Variants in ELK4 observed in about 807,000 individuals in gnomAD.
ELK4 encodes ETS domain-containing protein Elk-4.
A neutral mutation model predicts 29.6 loss-of-function variants in ELK4; 16 were observed. The observed-to-expected ratio is 0.54, with a 90% CI of 0.37 to 0.82. The LOEUF (loss-of-function observed/expected upper bound fraction) is 0.82. Among genes scored for constraint, ELK4 ranks in the 40% least tolerant of loss-of-function variants. The pLI, the probability that ELK4 is intolerant of heterozygous loss-of-function variation, is 0.00. For synonymous variants in ELK4, 213 were observed against 191.1 expected (o/e 1.11, Z -0.95); for missense variants, 465 against 507.1 (o/e 0.92, Z 0.80).
chr1:205,616,417 TG>T lies in ELK4; in HGVS notation c.*128del. 2.5e-6 allele frequency: 2 copies of T among 799,642 alleles called. No individual in the cohort carries two copies. Among genetic ancestry groups the T allele is most frequent in the Admixed American group, 2.4e-5 (1 of 41,510 alleles). The allele number at this position is 799,642 out of a possible 1,614,324, so 49.5% of individuals were successfully genotyped here. A position where few individuals can be genotyped will look rare whatever the true frequency, so the allele number is the denominator to read the frequency against. On this transcript the variant is annotated 3_prime_UTR_variant, in exon 5 of 5. Transcript: ENST00000357992. ...GAGAATCCTAAAAAGATGTTTTCAA[TG>T]GGGAATGGCAAAAATCACAATAGTC...
chr1:205,628,205 T>C (rs190277125), intron 1 of ELK4, among the ~76,000 whole-genome samples: 6 of 152,312 alleles, frequency 3.9e-5, no homozygotes, highest in Admixed American at 1.3e-4. Flanking sequence ...CCATTAAGTA[T>C]GGTGGAAGCA....
At chr1:205,619,917 G>C (rs1305977582) in intron 3 of ELK4, 49 bp downstream of exon 3, 2 of 1,614,102 alleles carry the variant, frequency 1.2e-6, no homozygotes, top group Non-Finnish European at 1.7e-6. Flanking sequence ...TGCTTAAAAG[G>C]GCAAATAAAT....
intron 1 of ELK4, among the ~76,000 whole-genome samples, chr1:205,625,200 A>C (rs1005712210): frequency 2.2e-4 from 33 of 152,196 alleles, no homozygotes; most frequent in Non-Finnish European, 3.7e-4. Context: ...AATGCCATCA[A>C]GTGAGAAGAC....
chr1:205,629,170 C>CAAAAAAAAAAAAAA (rs61374496), intron 1 of ELK4, among the ~76,000 whole-genome samples: 31 of 92,274 alleles, frequency 3.4e-4, no homozygotes, highest in African/African-American at 1.1e-3. Context: ...GACTACGTCT[C>CAAAAAAAAAAAAAA]AAAAAAAAAA....
chr1:205,610,780 C>T lies in ELK4; in HGVS notation c.*5766G>A, dbSNP rs1360883627. 9 of 231,664 alleles carry T rather than the reference C, an allele frequency of 3.9e-5. No individual in the cohort carries two copies. The highest frequency in any genetic ancestry group is 7.7e-5 in the Non-Finnish European group (9 of 117,194). 14.4% of individuals were successfully genotyped at this position (231,664 alleles called of 1,614,324 possible). A position where few individuals can be genotyped will look rare whatever the true frequency, so the allele number is the denominator to read the frequency against. On this transcript the variant is annotated 3_prime_UTR_variant, in exon 5 of 5. Transcript: ENST00000357992. ...ATGAAAACAGATTTACACGCGCACA[C>T]ACACACACACACACATTCAGTCAAT...
chr1:205,611,622 A>G lies in ELK4; in HGVS notation c.*4924T>C, dbSNP rs1224198431. 3 of 199,580 alleles carry G rather than the reference A, an allele frequency of 1.5e-5. No homozygotes were observed. The East Asian group carries it at 2.3e-4, about 16-fold the overall frequency. 12.4% of individuals were successfully genotyped at this position (199,580 alleles called of 1,614,324 possible). On this transcript the variant is annotated 3_prime_UTR_variant, in exon 5 of 5. Coordinates refer to ENST00000357992, the MANE Select transcript of ELK4 (RefSeq NM_001973.4). ...ACTTCACTTACACTACTATGGACTG[A>G]ACAATTAACTTCTCAATACTATTTT...
intron 2 of ELK4, among the ~76,000 whole-genome samples, chr1:205,622,543 C>T (rs1670371383): frequency 6.6e-6 from 1 of 152,048 alleles, no homozygotes; most frequent in African/African-American, 2.4e-5. Flanking sequence ...CAGGTGTACA[C>T]CACCGCGCCA....
rs370326552 is a variant in ELK4, at chr1:205,620,212, G to A, written c.834C>T (p.Ile278=). The A allele has an allele frequency of 1.4e-5, 22 of 1,614,208 alleles. No homozygotes were observed. The highest frequency in any genetic ancestry group is 8.0e-5 in the African/African-American group (6 of 75,038). Residue 278 remains isoleucine, a synonymous_variant, in exon 3 of 5, where the codon ATC becomes ATT. Transcript: ENST00000357992. The part of the protein sequence containing the change: ...PSPPLSSHPD[I]DTDIDSVASQ... ...AAGCCACTGAATCAATGTCTGTGTC[G>A]ATGTCTGGGTGAGAACTCAGTGGTG...
chr1:205,619,164 T>C (rs1571497774), intron 3 of ELK4, 91 bp from the exon 4 acceptor site: 1 of 1,214,576 alleles, frequency 8.2e-7, no homozygotes, highest in East Asian at 2.8e-5. Flanking sequence ...ACCTAAATAT[T>C]GCCCTATCCT....
Position 205,614,805 on chromosome 1 carries a change from C to T in ELK4, c.*1741G>A, listed in dbSNP as rs1029973985. 4.8e-5 allele frequency: 11 copies of T among 227,064 alleles called. No individual in the cohort carries two copies. The highest frequency in any genetic ancestry group is 6.7e-5 in the African/African-American group (3 of 44,986). The allele number at this position is 227,064 out of a possible 1,614,324, so 14.1% of individuals were successfully genotyped here. On this transcript the variant is annotated 3_prime_UTR_variant, in exon 5 of 5. Coordinates refer to ENST00000357992, the MANE Select transcript of ELK4 (RefSeq NM_001973.4). ...TCTTCATTTAGTTCATGTGATTCTA[C>T]AGGATTAGAAGACGAGTTTAACCGG...
chr1:205,616,610 G>C lies in ELK4; in HGVS notation c.1232C>G (p.Thr411Ser), dbSNP rs192312174. 1.9e-5 allele frequency: 30 copies of C among 1,614,046 alleles called. No homozygotes were observed. The highest frequency in any genetic ancestry group is 2.3e-5 in the Non-Finnish European group (27 of 1,180,028). Residue 411 changes from threonine to serine, a missense_variant, in exon 5 of 5, where the codon ACT (threonine) becomes AGT (serine). Thr to Ser is a moderately conservative substitution (Grantham distance 58, BLOSUM62 1). Around this residue, in one of 2 missense-constraint regions of ELK4, gnomAD observed 80 missense variants for 119.6 expected, o/e 0.67. Transcript: ENST00000357992. Reference sequence around the variant, plus strand: ...GGAAGGTCCATCCAGCCCAGACAGAGTGAATGGCCCATGACTGTTCAGTAC... The same window carrying C: ...GGAAGGTCCATCCAGCCCAGACAGACTGAATGGCCCATGACTGTTCAGTAC... Reference protein sequence around the residue: ...PSVLNSHGPFTLSGLDGPSTP... With the variant: ...PSVLNSHGPFSLSGLDGPSTP...
intron 2 of ELK4, among the ~76,000 whole-genome samples, chr1:205,621,200 A>T (rs79215853): frequency 3.4e-5 from 4 of 117,778 alleles, no homozygotes; most frequent in South Asian, 3.4e-4. Flanking sequence ...TCTTAAAAAA[A>T]AAAAAAAAAA....
chr1:205,609,750 G>A lies in ELK4; in HGVS notation c.*6796C>T. ...AATTGGATACTTTATAAATTTAAGT[G>A]TAATCTATCAATTGCAAATTATTTT... On this transcript the variant is annotated 3_prime_UTR_variant, in exon 5 of 5. Transcript: ENST00000357992. 4.8e-6 allele frequency: 1 copy of A among 208,944 alleles called. No homozygotes were observed. The highest frequency in any genetic ancestry group is 9.7e-6 in the Non-Finnish European group (1 of 102,722). 12.9% of individuals were successfully genotyped at this position (208,944 alleles called of 1,614,324 possible). A position where few individuals can be genotyped will look rare whatever the true frequency, so the allele number is the denominator to read the frequency against.
At chr1:205,631,420 C>G (rs1165383281) in intron 1 of ELK4, among the ~76,000 whole-genome samples, 3 of 117,500 alleles carry the variant, frequency 2.6e-5, no homozygotes, top group Non-Finnish European at 5.5e-5. Flanking sequence ...GACCAAGAGG[C>G]GACGAGAGCT....
At chr1:205,628,295 G>A (rs944487030) in intron 1 of ELK4, among the ~76,000 whole-genome samples, 13 of 152,140 alleles carry the variant, frequency 8.5e-5, no homozygotes, top group Admixed American at 7.9e-4. Context: ...GCAAGTTACC[G>A]TTCTACTACA....
chr1:205,619,572 T>C (rs1467449611), intron 3 of ELK4: 1 of 1,189,012 alleles, frequency 8.4e-7, no homozygotes, highest in African/African-American at 1.6e-5. Context: ...AACTTGTTAC[T>C]CAACATCACA....
intron 2 of ELK4, 66 bp from the exon 3 acceptor site, chr1:205,620,904 A>G: frequency 6.7e-7 from 1 of 1,486,048 alleles, no homozygotes; most frequent in Non-Finnish European, 8.9e-7. Flanking sequence ...GTTCATGAAA[A>G]AGCTGGCATC....
In ELK4 at chr1:205,609,447, G is replaced by A; in HGVS notation, c.*7099C>T. 5.2e-6 allele frequency: 1 copy of A among 193,326 alleles called. No individual in the cohort carries two copies. The highest frequency in any genetic ancestry group is 1.1e-5 in the Non-Finnish European group (1 of 92,574). 12.0% of individuals were successfully genotyped at this position (193,326 alleles called of 1,614,324 possible). ...TATAATTGTGATTAGAAAAGATCCA[G>A]GGCCAAAACAAATAAATAGGCCTCA... On this transcript the variant is annotated 3_prime_UTR_variant, in exon 5 of 5. Coordinates refer to ENST00000357992, the MANE Select transcript of ELK4 (RefSeq NM_001973.4).
At position 205,620,416 on chromosome 1, in the gene ELK4, A is replaced by G. The variant is rs1447292859; in HGVS notation, c.630T>C (p.Ile210=). ...PVEPVAATIS[I]GPSISPSSEE... The stretch of plus-strand genomic sequence containing the variant: ...CTGAAGATGGAGAAATACTTGGGCC[A>G]ATTGAAATGGTGGCAGCAACAGGTT... Residue 210 remains isoleucine (I), a synonymous_variant, in exon 3 of 5, where the codon ATT becomes ATC. Coordinates refer to ENST00000357992, the MANE Select transcript of ELK4 (RefSeq NM_001973.4). 1.9e-6 allele frequency: 3 copies of G among 1,614,030 alleles called. No individual in the cohort carries two copies. Among genetic ancestry groups the G allele is most frequent in the Non-Finnish European group, 2.5e-6 (3 of 1,180,022 alleles).
Sources: allele counts gnomAD v4.1 joint callset (sites outside exome capture counted in the v4.1 genomes callset), GRCh38; gene constraint gnomAD v4.1.1; regional missense constraint gnomAD v4.1.1; transcripts MANE v1.5; gene names NCBI Gene and HGNC (gene_info 2026-07-23, HGNC 2026-07-21).